Variants in MALRD1 observed in about 807,000 individuals in gnomAD.
The protein encoded by MALRD1 is MAM and LDL-receptor class A domain-containing protein 1.
MALRD1 carries 247 observed loss-of-function variants against 242.1 expected under a neutral mutation model. That is an observed-to-expected ratio of 1.02 (90% CI 0.92 to 1.13). MALRD1 has a LOEUF of 1.13. MALRD1 is among the 50% of genes most tolerant of loss of function. The probability of loss-of-function intolerance (pLI) is 0.00; values close to 1 mark genes in which losing one functional copy is unlikely to be tolerated. For synonymous variants in MALRD1, 995 were observed against 866.6 expected (o/e 1.15, Z -2.60); for missense variants, 2,989 against 2,533.1 (o/e 1.18, Z -3.86).
At chr10:19,419,436 A>G (rs1833636391) in intron 28 of MALRD1, among the ~76,000 whole-genome samples, 1 of 152,186 alleles carries the variant, frequency 6.6e-6, no homozygotes, top group African/African-American at 2.4e-5. Context: ...CCATGACTAC[A>G]GGTGCATGCC....
intron 28 of MALRD1, among the ~76,000 whole-genome samples, chr10:19,421,487 G>A (rs1282526346): frequency 3.3e-5 from 5 of 152,202 alleles, no homozygotes; most frequent in South Asian, 2.1e-4. Context: ...TAAGTATGAG[G>A]CATTACAGAT....
intron 32 of MALRD1, among the ~76,000 whole-genome samples, chr10:19,555,248 C>T (rs186787197): frequency 6.6e-6 from 1 of 152,206 alleles, no homozygotes; most frequent in Admixed American, 6.5e-5. Context: ...GCCCCCATGA[C>T]CCAAACACCT....
At position 19,094,160 on chromosome 10, in the gene MALRD1, C is replaced by G. The variant is rs999460797; in HGVS notation, c.597+5975C>G. On this transcript the variant is annotated intron_variant, in intron 4 of 39. Coordinates refer to ENST00000454679, the MANE Select transcript of MALRD1 (RefSeq NM_001142308.3). ...CGGCTGCTTTGTTTACCTAAGCAAG[C>G]CTGGGCAATGGCGGGCGCCCCTCCC... is the stretch of plus-strand genomic sequence containing the variant. 4.6e-5 allele frequency among the ~76,000 whole-genome samples: 5 copies of G among 107,876 alleles called. 1 individual carries two copies. The highest frequency in any genetic ancestry group is 5.9e-4 in the South Asian group (2 of 3,412). 70.8% of individuals were successfully genotyped at this position (107,876 alleles called of 152,430 possible).
chr10:19,564,437 C>A (rs377362110), intron 32 of MALRD1, among the ~76,000 whole-genome samples: 1 of 151,912 alleles, frequency 6.6e-6, no homozygotes, highest in Non-Finnish European at 1.5e-5. Flanking sequence ...TTGTATATAA[C>A]CTTGATGATA....
chr10:19,172,623 C>T (rs148111059), intron 13 of MALRD1, among the ~76,000 whole-genome samples: 3 of 151,192 alleles, frequency 2.0e-5, no homozygotes, highest in East Asian at 2.0e-4. Flanking sequence ...ATAATGTGAG[C>T]GTGTACCTCT....
chr10:19,230,322 A>C (rs1837993725), intron 18 of MALRD1, among the ~76,000 whole-genome samples: 1 of 152,134 alleles, frequency 6.6e-6, no homozygotes, highest in Admixed American at 6.6e-5. Context: ...TTTATAAAGA[A>C]ATGAGGTTTA....
intron 31 of MALRD1, among the ~76,000 whole-genome samples, chr10:19,524,991 G>A (rs1445896084): frequency 4.6e-5 from 7 of 151,638 alleles, no homozygotes; most frequent in Admixed American, 6.6e-5. Context: ...GCAACCTCCC[G>A]CCTCCTAGGT....
At chr10:19,202,211 T>A (rs116205104) in intron 14 of MALRD1, among the ~76,000 whole-genome samples, 11,303 of 134,374 alleles carry the variant, frequency 0.084, 509 homozygotes, top group African/African-American at 0.13. Flanking sequence ...GCATATTAAG[T>A]GTAGATGTGA....
At chr10:19,645,757 T>G (rs1022027144) in intron 36 of MALRD1, among the ~76,000 whole-genome samples, 1 of 151,968 alleles carries the variant, frequency 6.6e-6, no homozygotes, top group Non-Finnish European at 1.5e-5. Context: ...AGGGATAGCA[T>G]TTGGAGATAT....
At chr10:19,476,630 G>C (rs545525995) in intron 29 of MALRD1, among the ~76,000 whole-genome samples, 1 of 152,272 alleles carries the variant, frequency 6.6e-6, no homozygotes, top group African/African-American at 2.4e-5. Context: ...CTATGGATTT[G>C]AGGTATTTGT....
chr10:19,509,282 C>A (rs1030454366), intron 31 of MALRD1, among the ~76,000 whole-genome samples: 3 of 152,170 alleles, frequency 2.0e-5, no homozygotes, highest in African/African-American at 7.2e-5. Context: ...GAGCCAAAAA[C>A]AAGCAAGTTA....
At chr10:19,714,126 C>T (rs1383387842) in intron 38 of MALRD1, among the ~76,000 whole-genome samples, 11 of 152,154 alleles carry the variant, frequency 7.2e-5, no homozygotes, top group Non-Finnish European at 1.5e-4. Context: ...GACCCTCTGC[C>T]TCATGGCAAA....
At chr10:19,621,657 A>T (rs1038959849) in intron 36 of MALRD1, among the ~76,000 whole-genome samples, 2 of 151,824 alleles carry the variant, frequency 1.3e-5, no homozygotes, top group African/African-American at 4.8e-5. Context: ...CAGAACTAAC[A>T]TTTAAACTAT....
intron 13 of MALRD1, among the ~76,000 whole-genome samples, chr10:19,167,800 C>G (rs1297177463): frequency 6.6e-6 from 1 of 152,160 alleles, no homozygotes; most frequent in Non-Finnish European, 1.5e-5. Context: ...GATAAATCTT[C>G]CTCCTCCCAT....
At chr10:19,312,516 A>G (rs1842477378) in intron 21 of MALRD1, among the ~76,000 whole-genome samples, 1 of 151,042 alleles carries the variant, frequency 6.6e-6, no homozygotes, top group Non-Finnish European at 1.5e-5. Flanking sequence ...AGTCTTTAAC[A>G]TCTAGAAAAG....
chr10:19,271,699 G>A (rs1404390924), intron 19 of MALRD1, among the ~76,000 whole-genome samples: 1 of 151,188 alleles, frequency 6.6e-6, no homozygotes. Context: ...GGAGGTGGAG[G>A]TTGCAGTGAG....
At chr10:19,338,622 A>G (rs978132359) in intron 24 of MALRD1, among the ~76,000 whole-genome samples, 1 of 152,034 alleles carries the variant, frequency 6.6e-6, no homozygotes, top group Admixed American at 6.6e-5. Flanking sequence ...GAGCCAAACC[A>G]TATAATAGTA....
At chr10:19,363,549 C>T (rs1230942131) in intron 26 of MALRD1, among the ~76,000 whole-genome samples, 1 of 152,142 alleles carries the variant, frequency 6.6e-6, no homozygotes, top group Non-Finnish European at 1.5e-5. Flanking sequence ...GTGTCTTCCT[C>T]CTCAACCTTG....
At chr10:19,348,988 G>T (rs185380969) in intron 25 of MALRD1, among the ~76,000 whole-genome samples, 23 of 152,110 alleles carry the variant, frequency 1.5e-4, no homozygotes, top group African/African-American at 4.8e-4. Context: ...CCCTTCAACA[G>T]TCTCACTCTG....
Sources: gnomAD v4.1 joint callset for allele counts (sites outside exome capture counted in the v4.1 genomes callset) on GRCh38, gnomAD v4.1.1 for gene constraint, MANE v1.5 for transcripts, NCBI Gene and HGNC (gene_info 2026-07-23, HGNC 2026-07-21) for gene names.